Variants in ADAMTSL1 observed in about 807,000 individuals in gnomAD.
The protein encoded by ADAMTSL1 is ADAMTS like 1, also known as ADAMTS-like protein 1.
In ADAMTSL1, 126 loss-of-function variants were observed where a neutral mutation model predicts 201.8. The observed-to-expected ratio is 0.62, with a 90% CI of 0.54 to 0.72. The LOEUF (loss-of-function observed/expected upper bound fraction) is 0.72, where lower values mean the gene tolerates loss of function less well. ADAMTSL1 is among the 30% of genes least tolerant of loss of function. ADAMTSL1 has a pLI of 0.00. For missense variants in ADAMTSL1, 2,679 were observed against 2,277.8 expected (o/e 1.18, Z -3.59); for synonymous variants, 1,121 against 903.4 (o/e 1.24, Z -4.32).
At chr9:18,492,600 C>A (rs752961666) in intron 1 of ADAMTSL1, among the ~76,000 whole-genome samples, 1 of 152,076 alleles carries the variant, frequency 6.6e-6, no homozygotes, top group African/African-American at 2.4e-5. Context: ...CACTGCACAA[C>A]GTTTTTTCAT....
At chr9:18,852,691 T>C (rs1826574080) in intron 23 of ADAMTSL1, among the ~76,000 whole-genome samples, 1 of 152,222 alleles carries the variant, frequency 6.6e-6, no homozygotes, top group African/African-American at 2.4e-5. Flanking sequence ...GAAAAGAGAA[T>C]GAACTTTGAA....
At chr9:18,509,394 T>C (rs1817887311) in intron 2 of ADAMTSL1, among the ~76,000 whole-genome samples, 1 of 152,172 alleles carries the variant, frequency 6.6e-6, no homozygotes, top group South Asian at 2.1e-4. Context: ...TAATGGTAAC[T>C]CTAATTGGTG....
chr9:18,447,994 C>A (rs1820260527), intron 2 of ADAMTSL1, among the ~76,000 whole-genome samples: 1 of 152,090 alleles, frequency 6.6e-6, no homozygotes, highest in Non-Finnish European at 1.5e-5. Flanking sequence ...ACCACCAAAA[C>A]AAGAGATTTG....
chr9:18,712,573 A>G (rs937580484), intron 14 of ADAMTSL1, among the ~76,000 whole-genome samples: 1 of 152,006 alleles, frequency 6.6e-6, no homozygotes, highest in Non-Finnish European at 1.5e-5. Context: ...GAAATGAGCA[A>G]AGCCTCCAAG....
intron 1 of ADAMTSL1, among the ~76,000 whole-genome samples, chr9:18,079,215 C>G (rs940691354): frequency 1.3e-5 from 2 of 152,166 alleles, no homozygotes; most frequent in African/African-American, 4.8e-5. Flanking sequence ...CAGTCTTTTA[C>G]TCTCATCCTC....
At chr9:18,418,905 G>T (rs1344184633) in intron 2 of ADAMTSL1, among the ~76,000 whole-genome samples, 3 of 152,174 alleles carry the variant, frequency 2.0e-5, no homozygotes, top group African/African-American at 7.2e-5. Context: ...AAGACATAAA[G>T]TTGGAGGAAT....
At chr9:18,738,706 G>A (rs1451721434) in intron 15 of ADAMTSL1, among the ~76,000 whole-genome samples, 1 of 152,172 alleles carries the variant, frequency 6.6e-6, no homozygotes, top group African/African-American at 2.4e-5. Flanking sequence ...CAGAATGTGA[G>A]GCTGCATGAA....
At chr9:17,978,002 A>G (rs1818523207) in intron 1 of ADAMTSL1, among the ~76,000 whole-genome samples, 1 of 151,990 alleles carries the variant, frequency 6.6e-6, no homozygotes. Context: ...TGTGTTGGAT[A>G]TGATTGTTTC....
At chr9:18,016,391 T>A (rs900472119) in intron 1 of ADAMTSL1, among the ~76,000 whole-genome samples, 1 of 152,018 alleles carries the variant, frequency 6.6e-6, no homozygotes, top group African/African-American at 2.4e-5. Flanking sequence ...TAGTTTCTAG[T>A]ATCGGTTGTC....
At chr9:18,390,430 C>G (rs189027027) in intron 2 of ADAMTSL1, among the ~76,000 whole-genome samples, 2 of 152,280 alleles carry the variant, frequency 1.3e-5, no homozygotes, top group Non-Finnish European at 2.9e-5. Flanking sequence ...ATATTGAGTT[C>G]TAAACTGAAG....
intron 2 of ADAMTSL1, among the ~76,000 whole-genome samples, chr9:18,428,523 G>A (rs185105083): frequency 3.7e-4 from 56 of 152,144 alleles, no homozygotes; most frequent in African/African-American, 1.3e-3. Context: ...AGGAGGCTGA[G>A]ATGGGAGAAT....
Position 18,230,098 on chromosome 9 carries a change from A to G in ADAMTSL1, c.207+66117A>G, listed in dbSNP as rs542723827. Reference sequence around the variant, plus strand: ...ATTTCCCACCCTCAAATAACTAATCATTGCCTGGTGAAAACAAACAAAGCA... The same window carrying G: ...ATTTCCCACCCTCAAATAACTAATCGTTGCCTGGTGAAAACAAACAAAGCA... On this transcript the variant is annotated intron_variant, in intron 2 of 29. Coordinates refer to the ADAMTSL1 transcript ENST00000680146. Among the ~76,000 whole-genome samples the G allele has an allele frequency of 2.6e-5, 4 of 152,300 alleles. No individual in the cohort carries two copies. The East Asian group carries it at 7.7e-4, about 29-fold the overall frequency.
chr9:18,771,950 A>G (rs1820717870), intron 17 of ADAMTSL1, among the ~76,000 whole-genome samples: 1 of 152,154 alleles, frequency 6.6e-6, no homozygotes, highest in Admixed American at 6.5e-5. Flanking sequence ...ACATTACGAC[A>G]GGTTTTATAA....
chr9:18,859,099 C>T (rs959228565), intron 23 of ADAMTSL1, among the ~76,000 whole-genome samples: 2 of 152,218 alleles, frequency 1.3e-5, no homozygotes, highest in African/African-American at 4.8e-5. Context: ...TTGATTGCAG[C>T]TGTAACAAAT....
intron 1 of ADAMTSL1, among the ~76,000 whole-genome samples, chr9:18,011,023 T>G (rs1820031102): frequency 6.6e-6 from 1 of 151,950 alleles, no homozygotes; most frequent in Admixed American, 6.6e-5. Context: ...ATGTGGCAAG[T>G]GAAAATTGCA....
intron 1 of ADAMTSL1, among the ~76,000 whole-genome samples, chr9:17,947,178 A>G (rs1024765639): frequency 2.6e-5 from 4 of 151,004 alleles, no homozygotes; most frequent in African/African-American, 9.7e-5. Flanking sequence ...ATAGTTATAT[A>G]TAGTATACAC....
intron 2 of ADAMTSL1, among the ~76,000 whole-genome samples, chr9:18,466,203 A>T (rs942226942): frequency 6.6e-6 from 1 of 152,202 alleles, no homozygotes; most frequent in Non-Finnish European, 1.5e-5. Context: ...AACTTCTAGG[A>T]AATTGCACAT....
At chr9:18,347,930 C>G (rs565710415) in intron 2 of ADAMTSL1, among the ~76,000 whole-genome samples, 1 of 152,084 alleles carries the variant, frequency 6.6e-6, no homozygotes, top group Non-Finnish European at 1.5e-5. Flanking sequence ...CAGAGGTGAC[C>G]TGGAAAGATT....
rs1345522507 is a variant in ADAMTSL1, at chr9:18,040,140, A to G, written c.88-123722A>G. 2.6e-5 allele frequency among the ~76,000 whole-genome samples: 4 copies of G among 152,186 alleles called. No individual in the cohort carries two copies. In the East Asian group the frequency reaches 7.7e-4, roughly 29 times the overall value. ...AAAATAAGCCAGGTTGAGTTCTACC[A>G]TGTTCTCATTCAACAGTATGTGAGG... On this transcript the variant is annotated intron_variant, in intron 1 of 29. Transcript: ENST00000680146.
Sources: gnomAD v4.1 joint callset for allele counts (sites outside exome capture counted in the v4.1 genomes callset) on GRCh38, gnomAD v4.1.1 for gene constraint, MANE v1.5 for transcripts, NCBI Gene and HGNC (gene_info 2026-07-23, HGNC 2026-07-21) for gene names.